Variants in GRID2 observed in about 807,000 individuals in gnomAD.
The protein encoded by GRID2 is glutamate ionotropic receptor delta type subunit 2, also known as glutamate receptor ionotropic, delta-2.
A neutral mutation model predicts 114.8 loss-of-function variants in GRID2; 33 were observed. The ratio of observed to expected loss-of-function variants is 0.29; its 90% CI spans 0.22 to 0.38. The LOEUF is 0.38. Ranked by LOEUF, GRID2 falls within the 10% of genes least tolerant of loss-of-function variation. The pLI is 1.00. For missense variants in GRID2, 1,184 were observed against 1,257.7 expected (o/e 0.94, Z 0.89); for synonymous variants, 505 against 449.9 (o/e 1.12, Z -1.55).
chr4:93,701,474 C>T (rs746614139), intron 14 of GRID2, among the ~76,000 whole-genome samples: 3 of 152,040 alleles, frequency 2.0e-5, no homozygotes, highest in African/African-American at 7.2e-5. Context: ...TCCTAGGGAG[C>T]CTACTTTCTA....
At chr4:92,475,147 TAATAATAAA>T (rs1470086649) in intron 1 of GRID2, among the ~76,000 whole-genome samples, 1 of 148,462 alleles carries the variant, frequency 6.7e-6, no homozygotes, top group Non-Finnish European at 1.5e-5. Context: ...ATAATAATAA[TAATAATAAA>T]AAGCTTTTTA....
At position 93,604,703 on chromosome 4, in the gene GRID2, A is replaced by G. The variant is rs1488783525; in HGVS notation, c.2194-21566A>G. Among the ~76,000 whole-genome samples, 4 of 152,250 alleles carry G rather than the reference A, an allele frequency of 2.6e-5. No homozygotes were observed. The East Asian group carries it at 7.7e-4, about 29-fold the overall frequency. ...TTTAAAAACTGCCACAGACACTCCA[A>G]GCTTCAGCAGTTACCACCCTGATCA... On this transcript the variant is annotated intron_variant, in intron 13 of 15. Coordinates refer to ENST00000282020, the MANE Select transcript of GRID2 (RefSeq NM_001510.4).
At chr4:93,780,320 A>C (rs1734454315) in intron 1 of GRID2, among the ~76,000 whole-genome samples, 1 of 152,196 alleles carries the variant, frequency 6.6e-6, no homozygotes. Context: ...AGCCAATACA[A>C]AGGCTCTGAG....
chr4:92,554,954 C>A lies in GRID2; in HGVS notation c.89-35177C>A, dbSNP rs141737190. ...TGTGTTTATTGCTCGTCAGTAAAGG[C>A]AACTATAATAAGATATTTTGCATAA... On this transcript the variant is annotated intron_variant, in intron 1 of 15. Transcript: ENST00000282020. Among the ~76,000 whole-genome samples, 759 of 152,166 alleles carry A rather than the reference C, an allele frequency of 5.0e-3. 5 individuals carry two copies. The highest frequency in any genetic ancestry group is 0.017 in the African/African-American group (718 of 41,522).
At chr4:93,024,054 TCTTA>T (rs1473969665) in intron 2 of GRID2, among the ~76,000 whole-genome samples, 1 of 151,880 alleles carries the variant, frequency 6.6e-6, no homozygotes, top group Non-Finnish European at 1.5e-5. Context: ...CAAATAAGTC[TCTTA>T]CTTTAACTAT....
Position 92,978,675 on chromosome 4 carries a change from G to A in GRID2, c.245-106320G>A, listed in dbSNP as rs1754012325. Reference sequence around the variant, plus strand: ...AGATTAAAAATGAAGGAGAAATTTAGAAAAGAGCACAATTCATGATTTCAC... The same window carrying A: ...AGATTAAAAATGAAGGAGAAATTTAAAAAAGAGCACAATTCATGATTTCAC... On this transcript the variant is annotated intron_variant, in intron 2 of 15. Coordinates refer to ENST00000282020, the MANE Select transcript of GRID2 (RefSeq NM_001510.4). Among the ~76,000 whole-genome samples, 2 of 152,014 alleles carry A rather than the reference G, an allele frequency of 1.3e-5. 1 individual carries two copies. The highest frequency in any genetic ancestry group is 1.3e-4 in the Admixed American group (2 of 15,248).
At chr4:92,316,843 A>G (rs1367078851) in intron 1 of GRID2, among the ~76,000 whole-genome samples, 1 of 152,188 alleles carries the variant, frequency 6.6e-6, no homozygotes, top group East Asian at 1.9e-4. Context: ...TTTATAGTAG[A>G]AATCTCATTT....
chr4:92,398,824 G>A (rs560224638), intron 1 of GRID2, among the ~76,000 whole-genome samples: 18 of 152,242 alleles, frequency 1.2e-4, no homozygotes, highest in Non-Finnish European at 2.6e-4. Flanking sequence ...ATTACAAAGT[G>A]AAAGTTAAAA....
At chr4:92,418,546 G>A (rs1731733360) in intron 1 of GRID2, among the ~76,000 whole-genome samples, 1 of 152,000 alleles carries the variant, frequency 6.6e-6, no homozygotes, top group Non-Finnish European at 1.5e-5. Flanking sequence ...GATAATGGTG[G>A]CATGGACAGA....
At chr4:93,032,933 C>G (rs1724569821) in intron 2 of GRID2, among the ~76,000 whole-genome samples, 1 of 152,086 alleles carries the variant, frequency 6.6e-6, no homozygotes, top group Non-Finnish European at 1.5e-5. Context: ...ATCCTGAAAG[C>G]TACTATAATT....
intron 12 of GRID2, among the ~76,000 whole-genome samples, chr4:93,508,569 T>C (rs1003215502): frequency 1.5e-4 from 23 of 152,270 alleles, no homozygotes; most frequent in African/African-American, 5.5e-4. Context: ...AATATATAGT[T>C]AAAATGCTAT....
intron 13 of GRID2, among the ~76,000 whole-genome samples, chr4:93,613,567 T>G (rs1741210319): frequency 2.2e-5 from 2 of 89,736 alleles, no homozygotes; most frequent in East Asian, 2.6e-4. Flanking sequence ...TGGAATACCC[T>G]GCCGTGTGAG....
chr4:92,815,653 C>T (rs868306521), intron 2 of GRID2, among the ~76,000 whole-genome samples: 1 of 151,728 alleles, frequency 6.6e-6, no homozygotes, highest in Non-Finnish European at 1.5e-5. Context: ...TGGCTCATAC[C>T]TGTAATCTCA....
At chr4:92,411,783 G>T (rs1731342183) in intron 1 of GRID2, among the ~76,000 whole-genome samples, 1 of 151,040 alleles carries the variant, frequency 6.6e-6, no homozygotes. Context: ...TCAGCTCACT[G>T]CAAGCTCCGC....
At chr4:93,126,362 C>G (rs1276032731) in intron 4 of GRID2, among the ~76,000 whole-genome samples, 1 of 151,878 alleles carries the variant, frequency 6.6e-6, no homozygotes, top group Non-Finnish European at 1.5e-5. Flanking sequence ...TGGCATAATA[C>G]TTTAGAGATA....
Position 92,802,495 on chromosome 4 carries a change from T to C in GRID2, c.244+212209T>C, listed in dbSNP as rs572429027. Among the ~76,000 whole-genome samples the C allele has an allele frequency of 1.8e-4, 28 of 152,004 alleles. No individual in the cohort carries two copies. The South Asian group carries it at 2.1e-3, about 11-fold the overall frequency. On this transcript the variant is annotated intron_variant, in intron 2 of 15. Transcript: ENST00000282020. ...CCCTTTGCTAGTTGTACTTTTTGCATTAAAATCTACTCTATCTAGTATATA... is the reference window on the plus strand; with the variant it reads ...CCCTTTGCTAGTTGTACTTTTTGCACTAAAATCTACTCTATCTAGTATATA...
chr4:93,468,682 A>T (rs1724519617), intron 11 of GRID2, among the ~76,000 whole-genome samples: 1 of 152,036 alleles, frequency 6.6e-6, no homozygotes. Context: ...GATGAGATTG[A>T]CCTTTGTAGA....
intron 4 of GRID2, among the ~76,000 whole-genome samples, chr4:93,181,293 G>A (rs975429639): frequency 4.6e-4 from 70 of 152,120 alleles, no homozygotes; most frequent in Non-Finnish European, 1.5e-4. Context: ...GTTCTCAACA[G>A]TGCACTTAAA....
At chr4:93,374,583 T>C (rs896488535) in intron 8 of GRID2, among the ~76,000 whole-genome samples, 1 of 141,994 alleles carries the variant, frequency 7.0e-6, no homozygotes, top group South Asian at 2.1e-4. Context: ...TAAATAAGTA[T>C]ATAATTTTAA....
Sources: allele counts gnomAD v4.1 joint callset (sites outside exome capture counted in the v4.1 genomes callset), GRCh38; gene constraint gnomAD v4.1.1; transcripts MANE v1.5; gene names NCBI Gene and HGNC (gene_info 2026-07-23, HGNC 2026-07-21).